The following PKIG variants were observed in gnomAD, a reference collection of about 807,000 sequenced individuals.
The protein encoded by PKIG is cAMP-dependent protein kinase inhibitor gamma.
PKIG carries 1 observed loss-of-function variant against 6.8 expected under a neutral mutation model. The ratio of observed to expected loss-of-function variants is 0.15; its 90% confidence interval spans 0.05 to 0.69. The LOEUF is 0.69. Ranked by LOEUF, PKIG falls within the 30% of genes least tolerant of loss-of-function variation. PKIG has a pLI of 0.82. For missense variants in PKIG, 77 were observed against 104.0 expected (o/e 0.74, Z 1.13); for synonymous variants, 39 against 43.0 (o/e 0.91, Z 0.36).
intron 1 of PKIG, among the ~76,000 whole-genome samples, chr20:44,588,762 T>A (rs1304161093): frequency 1.3e-5 from 2 of 152,260 alleles, no homozygotes; most frequent in African/African-American, 4.8e-5. Flanking sequence ...ACTTATTTTC[T>A]GTATTCAGTT....
chr20:44,584,698 G>A (rs113497628), intron 1 of PKIG, among the ~76,000 whole-genome samples: 39 of 151,336 alleles, frequency 2.6e-4, no homozygotes, highest in African/African-American at 9.5e-4. Flanking sequence ...TTAATAAGAG[G>A]GTTCTCAAAG....
chr20:44,538,314 G>A (rs936834031), intron 1 of PKIG, among the ~76,000 whole-genome samples: 1 of 152,132 alleles, frequency 6.6e-6, no homozygotes, highest in Non-Finnish European at 1.5e-5. Context: ...GTGGGGTAGG[G>A]ATTATCATTC....
At position 44,595,688 on chromosome 20, in the gene PKIG, A is replaced by G. The variant is rs570936376; in HGVS notation, c.-24+5822A>G. 1.1e-4 allele frequency among the ~76,000 whole-genome samples: 17 copies of G among 152,052 alleles called. No homozygotes were observed. The East Asian group carries it at 3.3e-3, about 29-fold the overall frequency. ...ACCACCATGCCCGGCTAATTTTTGT[A>G]TTTTTAGTAGAGATGGGGTTTTACC... On this transcript the variant is annotated intron_variant, in intron 2 of 3. Coordinates refer to ENST00000372886, the MANE Select transcript of PKIG (RefSeq NM_001281445.2).
rs181558238 is a variant in PKIG, at chr20:44,552,117, C to T, written c.-241+20139C>T. 4.6e-5 allele frequency among the ~76,000 whole-genome samples: 7 copies of T among 152,284 alleles called. No individual in the cohort carries two copies. The East Asian group carries it at 1.3e-3, about 29-fold the overall frequency. On this transcript the variant is annotated intron_variant, in intron 1 of 4. Transcript: ENST00000372887. ...CTGCTAGAGGTACCAAAGGGTTTGTCTCAACTGTTACTACCCCTGACATAT... is the reference window on the plus strand; with the variant it reads ...CTGCTAGAGGTACCAAAGGGTTTGTTTCAACTGTTACTACCCCTGACATAT...
At chr20:44,560,880 C>T (rs912346324) in intron 1 of PKIG, among the ~76,000 whole-genome samples, 2 of 152,144 alleles carry the variant, frequency 1.3e-5, no homozygotes, top group Non-Finnish European at 2.9e-5. Flanking sequence ...TAATCACTAG[C>T]ACATGGGATT....
chr20:44,561,869 A>G (rs1318394665), intron 1 of PKIG, among the ~76,000 whole-genome samples: 1 of 152,270 alleles, frequency 6.6e-6, no homozygotes, highest in Non-Finnish European at 1.5e-5. Flanking sequence ...CAGAAAGATG[A>G]ATTTGCAGAT....
intron 1 of PKIG, among the ~76,000 whole-genome samples, chr20:44,563,548 G>A (rs765265567): frequency 5.9e-5 from 9 of 152,112 alleles, no homozygotes; most frequent in Non-Finnish European, 8.8e-5. Flanking sequence ...TCTTTTTTCT[G>A]AGACAGGATC....
chr20:44,556,510 GT>G (rs2064714687), intron 1 of PKIG, among the ~76,000 whole-genome samples: 1 of 152,012 alleles, frequency 6.6e-6, no homozygotes, highest in Admixed American at 6.6e-5. Flanking sequence ...TTACAAGCGT[GT>G]GCCACCATGC....
At chr20:44,578,628 A>C (rs546570903), upstream of PKIG, among the ~76,000 whole-genome samples, 26 of 152,296 alleles carry the variant, frequency 1.7e-4, no homozygotes, top group Non-Finnish European at 1.5e-5. Flanking sequence ...AAGCTTCCTA[A>C]GGCCTCACCA....
chr20:44,543,919 C>T (rs2064586177), intron 1 of PKIG, among the ~76,000 whole-genome samples: 1 of 151,978 alleles, frequency 6.6e-6, no homozygotes, highest in Non-Finnish European at 1.5e-5. Flanking sequence ...AAAAAATTAG[C>T]CGTGTGTGAT....
At chr20:44,608,924 T>C (rs191205255) in intron 2 of PKIG, among the ~76,000 whole-genome samples, 105 of 152,292 alleles carry the variant, frequency 6.9e-4, no homozygotes, top group South Asian at 6.0e-3. Context: ...ATGGAAAAAG[T>C]TGAGGTTTCT....
At chr20:44,556,561 C>T (rs1200428301) in intron 1 of PKIG, among the ~76,000 whole-genome samples, 1 of 152,032 alleles carries the variant, frequency 6.6e-6, no homozygotes, top group Admixed American at 6.6e-5. Flanking sequence ...CGGGGTTTCA[C>T]CATGTTGGCC....
At chr20:44,543,317 T>C (rs2064579443) in intron 1 of PKIG, among the ~76,000 whole-genome samples, 1 of 143,460 alleles carries the variant, frequency 7.0e-6, no homozygotes, top group Non-Finnish European at 1.5e-5. Context: ...TACAGTAAAC[T>C]TTTTTTTTTT....
At chr20:44,616,394 T>C (rs2065264913) in intron 3 of PKIG, among the ~76,000 whole-genome samples, 1 of 152,186 alleles carries the variant, frequency 6.6e-6, no homozygotes, top group Admixed American at 6.5e-5. Context: ...GGCTGTTCAT[T>C]GACCGACTGA....
upstream of PKIG, among the ~76,000 whole-genome samples, chr20:44,577,745 C>T (rs1350846585): frequency 6.6e-6 from 1 of 152,174 alleles, no homozygotes; most frequent in Non-Finnish European, 1.5e-5. Context: ...AGCGATTGCA[C>T]TGTACAGCAG....
chr20:44,609,312 C>T (rs1481331954), intron 2 of PKIG, among the ~76,000 whole-genome samples: 1 of 152,142 alleles, frequency 6.6e-6, no homozygotes, highest in East Asian at 1.9e-4. Context: ...CATCAGATGG[C>T]ATTGTGAGAT....
Position 44,614,190 on chromosome 20 carries a change from G to A in PKIG, c.-23-344G>A, listed in dbSNP as rs2065243292. 9.2e-6 allele frequency: 2 copies of A among 217,210 alleles called. No homozygotes were observed. Among genetic ancestry groups the A allele is most frequent in the African/African-American group, 4.7e-5 (2 of 42,708 alleles). 13.5% of individuals were successfully genotyped at this position (217,210 alleles called of 1,614,324 possible). The stretch of plus-strand genomic sequence containing the variant: ...TGACTTTATGCCACCTGTAGTAGAT[G>A]GTAAGCTCTGTGAGGCCAGGGACCA... On this transcript the variant is annotated intron_variant, in intron 2 of 3. Transcript: ENST00000372886. This position sits in a 1 kb window ranked among gnomAD's most constrained non-coding sequence, Gnocchi z 4.6.
chr20:44,599,225 A>T (rs943970073), intron 2 of PKIG, among the ~76,000 whole-genome samples: 54 of 152,112 alleles, frequency 3.6e-4, no homozygotes, highest in African/African-American at 1.3e-3. Context: ...CAGTAAATCC[A>T]TACTACATGC....
intron 3 of PKIG, among the ~76,000 whole-genome samples, chr20:44,616,460 G>A (rs1212864213): frequency 6.6e-6 from 1 of 152,164 alleles, no homozygotes; most frequent in Non-Finnish European, 1.5e-5. Context: ...TCTCTCTCAA[G>A]GCTTCTGTGT....
Sources: allele counts gnomAD v4.1 joint callset (sites outside exome capture counted in the v4.1 genomes callset), GRCh38; gene constraint gnomAD v4.1.1; non-coding constraint Gnocchi (gnomAD v3.1); transcripts MANE v1.5; gene names NCBI Gene and HGNC (gene_info 2026-07-23, HGNC 2026-07-21).